MDGA2: variants seen among roughly 807,000 people sequenced by gnomAD.
The protein encoded by MDGA2 is MAM domain-containing glycosylphosphatidylinositol anchor protein 2.
In MDGA2, 40 loss-of-function variants were observed where a neutral mutation model predicts 117.8. The ratio of observed to expected loss-of-function variants is 0.34; its 90% CI spans 0.26 to 0.44. The LOEUF is 0.44. Among genes scored for constraint, MDGA2 ranks in the 20% least tolerant of loss-of-function variants. The probability of loss-of-function intolerance (pLI) is 1.00; values close to 1 mark genes in which losing one functional copy is unlikely to be tolerated. For missense variants in MDGA2, 1,123 were observed against 1,250.6 expected (o/e 0.90, Z 1.54); for synonymous variants, 452 against 439.0 (o/e 1.03, Z -0.37).
intron 14 of MDGA2, among the ~76,000 whole-genome samples, chr14:46,865,661 TCTC>T: frequency 6.6e-6 from 1 of 152,024 alleles, no homozygotes; most frequent in Admixed American, 6.6e-5. Flanking sequence ...CAGCCCAAAA[TCTC>T]CTGAAGCTGA....
At chr14:47,368,012 G>A (rs1044865830) in intron 1 of MDGA2, among the ~76,000 whole-genome samples, 1 of 152,138 alleles carries the variant, frequency 6.6e-6, no homozygotes, top group Non-Finnish European at 1.5e-5. Context: ...GGGCGTGGTG[G>A]CTCACGTCTG....
At chr14:47,484,141 C>T (rs1566479661) in intron 1 of MDGA2, among the ~76,000 whole-genome samples, 1 of 151,938 alleles carries the variant, frequency 6.6e-6, no homozygotes, top group Non-Finnish European at 1.5e-5. Context: ...AGATTTATCA[C>T]TTTTTGATAT....
chr14:47,631,550 T>TCCTG (rs1306417385), intron 1 of MDGA2, among the ~76,000 whole-genome samples: 1 of 152,216 alleles, frequency 6.6e-6, no homozygotes, highest in African/African-American at 2.4e-5. Context: ...TGACAATATT[T>TCCTG]CCTGCCACTC....
chr14:46,860,034 T>G (rs554120515), intron 14 of MDGA2, among the ~76,000 whole-genome samples: 69 of 152,172 alleles, frequency 4.5e-4, no homozygotes, highest in Non-Finnish European at 3.5e-4. Flanking sequence ...ATCCTTCAAC[T>G]TTTTAAAGAA....
At chr14:46,881,389 T>C (rs1280926585) in intron 11 of MDGA2, among the ~76,000 whole-genome samples, 1 of 152,160 alleles carries the variant, frequency 6.6e-6, no homozygotes, top group Admixed American at 6.6e-5. Context: ...GCATGGGAAC[T>C]TTTCAGGCAG....
In MDGA2 at chr14:46,841,819, C is replaced by A; in HGVS notation, c.*112G>T. 1.5e-6 allele frequency: 1 copy of A among 665,412 alleles called. No homozygotes were observed. The highest frequency in any genetic ancestry group is 2.6e-5 in the South Asian group (1 of 38,564). 41.2% of individuals were successfully genotyped at this position (665,412 alleles called of 1,614,324 possible). ...TGTTTTTATTATTTTATTTTTGAGTCAGTAGTCAGTGGAGGAATCTTTGGT... is the reference window on the plus strand; with the variant it reads ...TGTTTTTATTATTTTATTTTTGAGTAAGTAGTCAGTGGAGGAATCTTTGGT... On this transcript the variant is annotated 3_prime_UTR_variant, in exon 17 of 17. Transcript: ENST00000399232.
intron 5 of MDGA2, among the ~76,000 whole-genome samples, chr14:47,099,928 G>C (rs1342193566): frequency 6.6e-6 from 1 of 151,950 alleles, no homozygotes; most frequent in Non-Finnish European, 1.5e-5. Flanking sequence ...CCAGTGCTTG[G>C]AACTCAGTGG....
At chr14:47,003,640 T>C (rs1233453043) in intron 8 of MDGA2, among the ~76,000 whole-genome samples, 1 of 152,110 alleles carries the variant, frequency 6.6e-6, no homozygotes, top group Non-Finnish European at 1.5e-5. Context: ...TTGCTCATTT[T>C]TTTTATAATT....
At chr14:47,344,652 T>C (rs1890723868) in intron 1 of MDGA2, among the ~76,000 whole-genome samples, 2 of 152,086 alleles carry the variant, frequency 1.3e-5, no homozygotes, top group Non-Finnish European at 2.9e-5. Context: ...AGAGAAGACA[T>C]TCATTAATTA....
chr14:47,305,438 A>G (rs549796033), intron 1 of MDGA2: 2 of 152,328 alleles, frequency 1.3e-5, no homozygotes, highest in South Asian at 4.1e-4. Flanking sequence ...AACACTAATC[A>G]TATCAACTGT....
chr14:47,606,436 A>C lies in MDGA2; in HGVS notation c.280+68081T>G, dbSNP rs367895014. Among the ~76,000 whole-genome samples, 98 of 152,354 alleles carry C rather than the reference A, an allele frequency of 6.4e-4. 2 individuals carry two copies. The South Asian group carries it at 0.02, about 31-fold the overall frequency. Reference sequence around the variant, plus strand: ...TATTGTGTGGAACACAATTTAATTCAAAAGCTAAATATATATTCTATATGT... The same window carrying C: ...TATTGTGTGGAACACAATTTAATTCCAAAGCTAAATATATATTCTATATGT... On this transcript the variant is annotated intron_variant, in intron 1 of 16. Transcript: ENST00000399232.
At chr14:47,350,473 T>C (rs974076087) in intron 1 of MDGA2, among the ~76,000 whole-genome samples, 3 of 152,220 alleles carry the variant, frequency 2.0e-5, no homozygotes, top group African/African-American at 4.8e-5. Flanking sequence ...CCGTTACCTA[T>C]TTAAACATAA....
At chr14:47,507,837 A>G (rs1433958050) in intron 1 of MDGA2, among the ~76,000 whole-genome samples, 1 of 150,830 alleles carries the variant, frequency 6.6e-6, no homozygotes, top group African/African-American at 2.4e-5. Flanking sequence ...AAGATCTTTC[A>G]GTTGATTGCT....
chr14:47,632,213 ATT>A (rs1383117760), intron 1 of MDGA2, among the ~76,000 whole-genome samples: 4 of 152,128 alleles, frequency 2.6e-5, no homozygotes, highest in Non-Finnish European at 4.4e-5. Context: ...CCTGCACAAA[ATT>A]TTATCATCCA....
chr14:46,928,046 T>C (rs1884397839), intron 9 of MDGA2, among the ~76,000 whole-genome samples: 1 of 152,196 alleles, frequency 6.6e-6, no homozygotes, highest in East Asian at 1.9e-4. Context: ...TAAGGTACAA[T>C]TGCTTTGGTT....
In MDGA2 at chr14:47,172,396, C is replaced by G. The variant is rs536501984; in HGVS notation, c.596-28122G>C. Among the ~76,000 whole-genome samples the G allele has an allele frequency of 4.6e-5, 7 of 152,060 alleles. No homozygotes were observed. The East Asian group carries it at 1.4e-3, about 30-fold the overall frequency. On this transcript the variant is annotated intron_variant, in intron 3 of 16. Transcript: ENST00000399232. ...CCGAGAAGCCTAACTGGGAGGCACC[C>G]CCAAGTAGGGGCAGACTGACACCTC...
At chr14:47,020,336 A>G (rs1464490950) in intron 8 of MDGA2, among the ~76,000 whole-genome samples, 1 of 152,226 alleles carries the variant, frequency 6.6e-6, no homozygotes, top group African/African-American at 2.4e-5. Flanking sequence ...CATCAATGTC[A>G]AAACTCTATA....
chr14:47,363,916 T>C (rs971924123), intron 1 of MDGA2, among the ~76,000 whole-genome samples: 3 of 152,232 alleles, frequency 2.0e-5, no homozygotes, highest in African/African-American at 4.8e-5. Flanking sequence ...CTAACATGTA[T>C]GCTTTTACTT....
chr14:47,065,984 C>T (rs934776700), intron 6 of MDGA2, among the ~76,000 whole-genome samples: 96 of 152,144 alleles, frequency 6.3e-4, no homozygotes, highest in Admixed American at 3.3e-4. Flanking sequence ...AATCAATTTC[C>T]TATTTATTCT....
Sources: gnomAD v4.1 joint callset for allele counts (sites outside exome capture counted in the v4.1 genomes callset) on GRCh38, gnomAD v4.1.1 for gene constraint, MANE v1.5 for transcripts, NCBI Gene and HGNC (gene_info 2026-07-23, HGNC 2026-07-21) for gene names.